Variants in SLC28A1 observed in about 807,000 individuals in gnomAD.
SLC28A1 encodes sodium/nucleoside cotransporter 1.
Under a neutral mutation model 74.8 loss-of-function variants are expected in SLC28A1, and 64 were observed. The observed-to-expected ratio is 0.86, with a 90% confidence interval of 0.70 to 1.05. The LOEUF is 1.05. Among genes scored for constraint, SLC28A1 ranks in the 50% least tolerant of loss-of-function variants. SLC28A1 has a pLI of 0.00. For missense variants in SLC28A1, 828 were observed against 822.8 expected (o/e 1.01, Z -0.08); for synonymous variants, 359 against 335.0 (o/e 1.07, Z -0.78).
chr15:84,886,335 G>A, intron 1 of SLC28A1: 1 of 985,212 alleles, frequency 1.0e-6, no homozygotes, highest in South Asian at 4.7e-5. Context: ...AAGATAAAAT[G>A]CAAAAAGCTA....
intron 6 of SLC28A1, among the ~76,000 whole-genome samples, chr15:84,899,838 A>G (rs1187567943): frequency 6.6e-6 from 1 of 152,008 alleles, no homozygotes; most frequent in African/African-American, 2.4e-5. Flanking sequence ...GGCTGCAGTG[A>G]GCCATGATCG....
the SLC28A1 span, among the ~76,000 whole-genome samples, chr15:84,963,660 C>T: frequency 6.6e-6 from 1 of 152,174 alleles, no homozygotes; most frequent in Non-Finnish European, 1.5e-5. Context: ...CCATTGTACA[C>T]CAGGCCAGTC....
At chr15:84,908,660 C>G (rs1210414055) in intron 8 of SLC28A1, 58 bp from the exon 9 acceptor site, 10 of 1,450,222 alleles carry the variant, frequency 6.9e-6, no homozygotes, top group South Asian at 1.1e-5. Context: ...GCTGCTTCCT[C>G]CCTCCTCCCT....
chr15:84,926,958 G>A (rs926084114), intron 12 of SLC28A1, among the ~76,000 whole-genome samples: 1 of 152,106 alleles, frequency 6.6e-6, no homozygotes, highest in African/African-American at 2.4e-5. Context: ...CCTTCACTCC[G>A]GATGCCTGGA....
chr15:84,893,399 A>T (rs1187565237), intron 5 of SLC28A1, among the ~76,000 whole-genome samples: 4 of 152,158 alleles, frequency 2.6e-5, no homozygotes, highest in Non-Finnish European at 5.9e-5. Context: ...TGTCTCAATG[A>T]CACCCGTTCA....
intron 7 of SLC28A1, among the ~76,000 whole-genome samples, chr15:84,905,262 C>T (rs1034854423): frequency 1.3e-5 from 2 of 152,172 alleles, no homozygotes; most frequent in African/African-American, 2.4e-5. Context: ...GACCAGGAGA[C>T]GAAGTGCCAT....
intron 2 of SLC28A1, 86 bp from the exon 3 acceptor site, chr15:84,887,659 A>T: frequency 6.4e-7 from 1 of 1,567,426 alleles, no homozygotes; most frequent in South Asian, 1.1e-5. Flanking sequence ...CCCCCCACTC[A>T]GTCCTCTCCC....
intron 9 of SLC28A1, among the ~76,000 whole-genome samples, chr15:84,910,692 C>T (rs1176326920): frequency 1.3e-5 from 2 of 152,206 alleles, no homozygotes; most frequent in Non-Finnish European, 2.9e-5. Flanking sequence ...CATGCCATTG[C>T]ACTCCAGCCT....
chr15:84,917,859 A>G (rs1049843009), intron 9 of SLC28A1, among the ~76,000 whole-genome samples: 3 of 152,156 alleles, frequency 2.0e-5, no homozygotes, highest in African/African-American at 7.2e-5. Flanking sequence ...CTCCTTTTCC[A>G]TGGGCCTGGA....
At chr15:84,935,951 G>GTTTTTTTT (rs1262653065) in intron 15 of SLC28A1, among the ~76,000 whole-genome samples, 2 of 38,750 alleles carry the variant, frequency 5.2e-5, no homozygotes, top group Non-Finnish European at 1.0e-4. Context: ...TTTGGTTTTT[G>GTTTTTTTT]TTTTTTTTTT....
chr15:84,960,909 T>G, the SLC28A1 span, among the ~76,000 whole-genome samples: 1 of 152,184 alleles, frequency 6.6e-6, no homozygotes, highest in Non-Finnish European at 1.5e-5. Context: ...TAACTACAGG[T>G]GCTCTCAATT....
intron 5 of SLC28A1, among the ~76,000 whole-genome samples, chr15:84,894,529 C>T (rs985911487): frequency 3.3e-5 from 5 of 152,164 alleles, no homozygotes; most frequent in Non-Finnish European, 5.9e-5. Flanking sequence ...CATTTCAGAA[C>T]GCAGTCCGAG....
chr15:84,890,177 G>A (rs528871533), intron 4 of SLC28A1, among the ~76,000 whole-genome samples: 2 of 152,328 alleles, frequency 1.3e-5, no homozygotes, highest in South Asian at 2.1e-4. Context: ...TGCCTTTTCA[G>A]TGAACTTCCT....
chr15:84,949,420 T>C (rs2079340625), downstream of SLC28A1, among the ~76,000 whole-genome samples: 1 of 152,110 alleles, frequency 6.6e-6, no homozygotes, highest in Non-Finnish European at 1.5e-5. Context: ...GGGGCCTCTG[T>C]TGCCTGGGCT....
At chr15:84,911,113 TG>T (rs775813236) in intron 9 of SLC28A1, among the ~76,000 whole-genome samples, 4 of 152,212 alleles carry the variant, frequency 2.6e-5, no homozygotes, top group Non-Finnish European at 5.9e-5. Flanking sequence ...ACGCAGCTGC[TG>T]TCCGCCAGAG....
At chr15:84,933,611 C>T (rs546691828) in intron 13 of SLC28A1, among the ~76,000 whole-genome samples, 3 of 152,188 alleles carry the variant, frequency 2.0e-5, no homozygotes, top group South Asian at 2.1e-4. Flanking sequence ...CATCACATGG[C>T]GAGGGGTTGA....
rs771711752 is a variant in SLC28A1, at chr15:84,894,986, G to T, written c.324G>T (p.Arg108Ser). Residue 108 changes from arginine (R) to serine (S), a missense_variant, in exon 6 of 19, where the codon AGG (arginine) becomes AGT (serine). Transcript: ENST00000394573. ...LLVACLLDFQ[R>S]ALALFVLTCV... ...TGGCCTGCCTCCTGGATTTCCAGAG[G>T]GCCCTGGCTCTGTTTGTCCTCACCT... The T allele has an allele frequency of 6.2e-7, 1 of 1,614,184 alleles. No individual in the cohort carries two copies. Among genetic ancestry groups the T allele is most frequent in the Non-Finnish European group, 8.5e-7 (1 of 1,180,040 alleles).
chr15:84,898,394 T>C (rs774353498), intron 6 of SLC28A1, among the ~76,000 whole-genome samples: 3 of 152,056 alleles, frequency 2.0e-5, no homozygotes, highest in Non-Finnish European at 4.4e-5. Flanking sequence ...CTGGCTAACA[T>C]GGTGAAACCA....
chr15:84,952,232 C>T, the SLC28A1 span, among the ~76,000 whole-genome samples: 2 of 152,188 alleles, frequency 1.3e-5, no homozygotes, highest in Admixed American at 1.3e-4. Context: ...AGAGATGATC[C>T]CACAAGGACT....
Sources: allele counts gnomAD v4.1 joint callset (sites outside exome capture counted in the v4.1 genomes callset), GRCh38; gene constraint gnomAD v4.1.1; transcripts MANE v1.5; gene names NCBI Gene and HGNC (gene_info 2026-07-23, HGNC 2026-07-21).